MAF: variants seen among roughly 807,000 people sequenced by gnomAD.
The protein encoded by MAF is MAF bZIP transcription factor.
In MAF, 10 loss-of-function variants were observed where a neutral mutation model predicts 22.0. The observed-to-expected ratio is 0.45, with a 90% CI of 0.28 to 0.77. The LOEUF (loss-of-function observed/expected upper bound fraction) is 0.77. MAF is among the 30% of genes least tolerant of loss of function. The pLI is 0.12. For missense variants in MAF, 544 were observed against 548.4 expected, an observed-to-expected ratio of 0.99 and a Z score of 0.08; for synonymous variants, 337 against 255.8, an observed-to-expected ratio of 1.32 and a Z score of -3.03.
the MAF span, among the ~76,000 whole-genome samples, chr16:79,420,075 G>T: frequency 6.6e-5 from 10 of 151,506 alleles, no homozygotes; most frequent in Non-Finnish European, 1.5e-4. Context: ...TACTGCAAAA[G>T]TGACTGTGGC....
chr16:79,466,960 T>C, the MAF span, among the ~76,000 whole-genome samples: 1 of 152,222 alleles, frequency 6.6e-6, no homozygotes, highest in Non-Finnish European at 1.5e-5. Context: ...ATCTTGGAGC[T>C]TGAGGCCTGC....
chr16:79,526,093 T>C, the MAF span, among the ~76,000 whole-genome samples: 1 of 152,190 alleles, frequency 6.6e-6, no homozygotes, highest in Non-Finnish European at 1.5e-5. Flanking sequence ...CCCCCATGAA[T>C]CTTCCTGCCT....
the MAF span, among the ~76,000 whole-genome samples, chr16:79,403,551 C>A: frequency 1.3e-5 from 2 of 152,170 alleles, no homozygotes; most frequent in African/African-American, 4.8e-5. Flanking sequence ...CTTCTCTTTG[C>A]CTCCCTTAAT....
At chr16:79,268,124 C>T in the MAF span, among the ~76,000 whole-genome samples, 1 of 152,098 alleles carries the variant, frequency 6.6e-6, no homozygotes, top group Non-Finnish European at 1.5e-5. Context: ...CAACATGGCC[C>T]CCAGAGTGGC....
chr16:79,268,053 T>C, the MAF span, among the ~76,000 whole-genome samples: 4 of 151,972 alleles, frequency 2.6e-5, no homozygotes, highest in Non-Finnish European at 4.4e-5. Context: ...GGGAGCTGGG[T>C]CTCTGAACTC....
chr16:79,549,693 G>T, the MAF span, among the ~76,000 whole-genome samples: 14 of 152,202 alleles, frequency 9.2e-5, no homozygotes, highest in South Asian at 1.7e-3. Context: ...CACCAATGTG[G>T]GTCATCTTGC....
chr16:79,411,224 C>T, the MAF span, among the ~76,000 whole-genome samples: 21 of 147,564 alleles, frequency 1.4e-4, no homozygotes, highest in South Asian at 2.0e-3. Flanking sequence ...GCTGGGACCT[C>T]GCCTTTCTCG....
At chr16:79,562,234 G>A in the MAF span, among the ~76,000 whole-genome samples, 1,243 of 151,874 alleles carry the variant, frequency 8.2e-3, 18 homozygotes, top group African/African-American at 0.029. Flanking sequence ...TGGCATAATT[G>A]TAATGAATTA....
chr16:79,209,550 T>G, the MAF span, among the ~76,000 whole-genome samples: 1 of 152,088 alleles, frequency 6.6e-6, no homozygotes, highest in Non-Finnish European at 1.5e-5. Flanking sequence ...TGAGCTGGAT[T>G]CTCCCACCAC....
chr16:79,348,335 T>G, the MAF span, among the ~76,000 whole-genome samples: 13 of 152,212 alleles, frequency 8.5e-5, no homozygotes, highest in African/African-American at 2.2e-4. Flanking sequence ...CAGGGATAGA[T>G]AGTGGACAGG....
chr16:79,338,996 G>A, the MAF span, among the ~76,000 whole-genome samples: 2 of 152,086 alleles, frequency 1.3e-5, no homozygotes, highest in Non-Finnish European at 2.9e-5. Context: ...TCTTATCCAA[G>A]GAAGGTGAAT....
the MAF span, among the ~76,000 whole-genome samples, chr16:79,554,997 G>A: frequency 6.6e-6 from 1 of 152,156 alleles, no homozygotes; most frequent in African/African-American, 2.4e-5. Flanking sequence ...GTTCAGTCTG[G>A]TGAAGAACTG....
the MAF span, among the ~76,000 whole-genome samples, chr16:79,227,430 C>G: frequency 2.4e-4 from 36 of 152,224 alleles, no homozygotes; most frequent in African/African-American, 7.9e-4. Flanking sequence ...TGAACACCAT[C>G]TCCCTGTGAC....
At chr16:79,479,115 C>A in the MAF span, among the ~76,000 whole-genome samples, 1 of 151,612 alleles carries the variant, frequency 6.6e-6, no homozygotes, top group Non-Finnish European at 1.5e-5. Flanking sequence ...CCCAGCATAT[C>A]TGTATACCAT....
At chr16:79,476,473 G>A in the MAF span, among the ~76,000 whole-genome samples, 3 of 152,294 alleles carry the variant, frequency 2.0e-5, no homozygotes, top group Non-Finnish European at 2.9e-5. Flanking sequence ...AGTGTGCATC[G>A]ACATTTGAAA....
the MAF span, among the ~76,000 whole-genome samples, chr16:79,215,283 T>G: frequency 6.6e-6 from 1 of 152,120 alleles, no homozygotes; most frequent in Non-Finnish European, 1.5e-5. Flanking sequence ...GGTCTTGCTA[T>G]GTTGACCAGG....
At chr16:79,513,841 C>T in the MAF span, among the ~76,000 whole-genome samples, 1 of 152,106 alleles carries the variant, frequency 6.6e-6, no homozygotes, top group African/African-American at 2.4e-5. Context: ...TCTTTTCCAC[C>T]GGGTAGGCTG....
chr16:79,402,612 T>A, the MAF span, among the ~76,000 whole-genome samples: 25 of 152,152 alleles, frequency 1.6e-4, no homozygotes, highest in Non-Finnish European at 2.9e-4. Flanking sequence ...AAGGCCAAGG[T>A]TAGCCAGCCC....
chr16:79,453,270 G>T, the MAF span, among the ~76,000 whole-genome samples: 1 of 152,066 alleles, frequency 6.6e-6, no homozygotes, highest in Non-Finnish European at 1.5e-5. Context: ...TCTCTCCCCT[G>T]CCAGTATCAT....
Sources: allele counts gnomAD v4.1 joint callset (sites outside exome capture counted in the v4.1 genomes callset), GRCh38; gene constraint gnomAD v4.1.1; transcripts MANE v1.5; gene names NCBI Gene and HGNC (gene_info 2026-07-23, HGNC 2026-07-21).